Variants in PPFIBP1 observed in about 807,000 individuals in gnomAD.
PPFIBP1 encodes the protein PPFIB scaffold protein 1, also known as liprin-beta-1.
A neutral mutation model predicts 137.8 loss-of-function variants in PPFIBP1; 112 were observed. The observed-to-expected ratio is 0.81, with a 90% CI of 0.70 to 0.95. PPFIBP1 has a LOEUF of 0.95. Ranked by LOEUF, PPFIBP1 falls within the 40% of genes least tolerant of loss-of-function variation. PPFIBP1 has a pLI of 0.00. For synonymous variants in PPFIBP1, 378 were observed against 417.3 expected (o/e 0.91, Z 1.15); for missense variants, 1,083 against 1,196.6 (o/e 0.91, Z 1.40).
intron 2 of PPFIBP1, among the ~76,000 whole-genome samples, chr12:27,592,024 G>C (rs188565838): frequency 3.3e-5 from 5 of 152,298 alleles, no homozygotes; most frequent in Admixed American, 2.0e-4. Context: ...AGTAAGAATG[G>C]GTGAGAGGAG....
chr12:27,621,816 C>T (rs1245259802), intron 2 of PPFIBP1, among the ~76,000 whole-genome samples: 1 of 152,202 alleles, frequency 6.6e-6, no homozygotes, highest in Non-Finnish European at 1.5e-5. Flanking sequence ...TTTATGTGCT[C>T]ACAAGTTCTT....
chr12:27,647,916 T>C, intron 6 of PPFIBP1, 74 bp downstream of exon 6: 3 of 1,493,532 alleles, frequency 2.0e-6, no homozygotes, highest in Non-Finnish European at 2.7e-6. Context: ...CTATGTTGTG[T>C]TTGCTCTGAT....
intron 6 of PPFIBP1, among the ~76,000 whole-genome samples, chr12:27,648,964 A>G (rs2058712078): frequency 5.9e-5 from 9 of 152,320 alleles, no homozygotes; most frequent in Admixed American, 5.2e-4. Context: ...AGCCAATAAT[A>G]ATTTAATTAT....
intron 7 of PPFIBP1, among the ~76,000 whole-genome samples, chr12:27,652,323 G>A (rs1165680786): frequency 2.0e-5 from 3 of 152,166 alleles, no homozygotes; most frequent in Admixed American, 1.3e-4. Context: ...AATTGCTAAT[G>A]GGAGATGATT....
Position 27,695,102 on chromosome 12 carries a change from G to A in PPFIBP1, c.*2220G>A, listed in dbSNP as rs373193073. On this transcript the variant is annotated 3_prime_UTR_variant, in exon 30 of 30. Transcript: ENST00000228425. ...CTTAGAACCTGGTTGAAAATACCAG[G>A]AAACTGTTACAGACGCCATTTTTTT... 1 of 147,424 alleles carries A rather than the reference G, an allele frequency of 6.8e-6. No homozygotes were observed. The highest frequency in any genetic ancestry group is 2.5e-5 in the African/African-American group (1 of 39,824). 9.1% of individuals were successfully genotyped at this position (147,424 alleles called of 1,614,324 possible).
At chr12:27,603,639 G>A (rs1403126600) in intron 2 of PPFIBP1, among the ~76,000 whole-genome samples, 1 of 152,174 alleles carries the variant, frequency 6.6e-6, no homozygotes, top group African/African-American at 2.4e-5. Flanking sequence ...ACCCCTCCTG[G>A]ATTCTGGCCA....
chr12:27,595,316 C>G lies in PPFIBP1; in HGVS notation c.-36+17077C>G, dbSNP rs146747648. Among the ~76,000 whole-genome samples, 889 of 152,278 alleles carry G rather than the reference C, an allele frequency of 5.8e-3. 8 individuals carry two copies. The highest frequency in any genetic ancestry group is 0.02 in the African/African-American group (829 of 41,560). On this transcript the variant is annotated intron_variant, in intron 2 of 29. Coordinates refer to ENST00000228425, the MANE Select transcript of PPFIBP1 (RefSeq NM_003622.4). ...CACACATGCACGCAAGACTGTCACA[C>G]CCTGCTCTGGTGGCTGCCCACATGG...
At position 27,691,740 on chromosome 12, in the gene PPFIBP1, C is replaced by G; in HGVS notation, c.2686-9C>G. On this transcript the variant is annotated splice_polypyrimidine_tract_variant and intron_variant, in intron 27 of 29. Coordinates refer to ENST00000228425, the MANE Select transcript of PPFIBP1 (RefSeq NM_003622.4). Reference sequence around the variant, plus strand: ...CCTTTGGATGTTTTTGTTTGCTTTTCTTTTAAAGCCAAAGAAACTTGCCTT... The same window carrying G: ...CCTTTGGATGTTTTTGTTTGCTTTTGTTTTAAAGCCAAAGAAACTTGCCTT... The G allele has an allele frequency of 6.3e-7, 1 of 1,596,832 alleles. No homozygotes were observed. The highest frequency in any genetic ancestry group is 1.1e-5 in the South Asian group (1 of 88,044).
chr12:27,533,929 C>T (rs1256871092), intron 1 of PPFIBP1, among the ~76,000 whole-genome samples: 1 of 126,020 alleles, frequency 7.9e-6, no homozygotes, highest in African/African-American at 3.2e-5. Flanking sequence ...GCAACAGACT[C>T]GTTACAAAGC....
chr12:27,544,545 GA>G (rs139750459), intron 1 of PPFIBP1, among the ~76,000 whole-genome samples: 25,121 of 152,038 alleles, frequency 0.17, 2,353 homozygotes, highest in Middle Eastern at 0.26. Context: ...AAATTTACAA[GA>G]AAAAAACAAA....
chr12:27,667,656 CT>C (rs1425226042), intron 13 of PPFIBP1, among the ~76,000 whole-genome samples: 2 of 152,242 alleles, frequency 1.3e-5, no homozygotes, highest in Non-Finnish European at 2.9e-5. Context: ...GACAGCATTT[CT>C]TTTGCTGATG....
At chr12:27,630,268 T>G (rs1463703285) in intron 2 of PPFIBP1, among the ~76,000 whole-genome samples, 1 of 151,990 alleles carries the variant, frequency 6.6e-6, no homozygotes, top group Admixed American at 6.6e-5. Context: ...TAAATTTGTC[T>G]AATTCTCCCT....
At chr12:27,635,139 C>G in intron 4 of PPFIBP1, 24 bp downstream of exon 4, 1 of 1,611,584 alleles carries the variant, frequency 6.2e-7, no homozygotes, top group Non-Finnish European at 8.5e-7. Flanking sequence ...GTTCCAAATT[C>G]TGTTATAAAT....
Position 27,655,082 on chromosome 12 carries a change from G to T in PPFIBP1, c.696+268G>T, listed in dbSNP as rs1469478526. 4.7e-6 allele frequency: 6 copies of T among 1,281,804 alleles called. No homozygotes were observed. The Admixed American group carries it at 1.2e-4, about 26-fold the overall frequency. The allele number at this position is 1,281,804 out of a possible 1,614,324, so 79.4% of individuals were successfully genotyped here. ...CTTTATAAACTGATACTGTTTTCTCGGTTATTTAGCTTGTCTTTTTCTATC... is the reference window on the plus strand; with the variant it reads ...CTTTATAAACTGATACTGTTTTCTCTGTTATTTAGCTTGTCTTTTTCTATC... On this transcript the variant is annotated intron_variant, in intron 8 of 29. Coordinates refer to ENST00000228425, the MANE Select transcript of PPFIBP1 (RefSeq NM_003622.4).
chr12:27,612,962 TCATCATCA>T (rs1435621468), intron 2 of PPFIBP1, among the ~76,000 whole-genome samples: 6 of 151,936 alleles, frequency 3.9e-5, no homozygotes, highest in Non-Finnish European at 7.4e-5. Context: ...ATCATCATCA[TCATCATCA>T]TCATCATCCA....
intron 2 of PPFIBP1, among the ~76,000 whole-genome samples, chr12:27,610,936 T>C (rs548869116): frequency 1.1e-3 from 160 of 150,342 alleles, no homozygotes; most frequent in East Asian, 3.1e-3. Flanking sequence ...AGGGGTGAGG[T>C]GGGGAAAATA....
At chr12:27,665,663 T>C (rs1163385552) in intron 12 of PPFIBP1, among the ~76,000 whole-genome samples, 1 of 152,246 alleles carries the variant, frequency 6.6e-6, no homozygotes, top group Non-Finnish European at 1.5e-5. Flanking sequence ...AATGCATAAA[T>C]AGAGTTATTT....
chr12:27,636,437 C>T (rs558341390), intron 4 of PPFIBP1: 15 of 152,126 alleles, frequency 9.9e-5, no homozygotes, highest in African/African-American at 3.4e-4. Context: ...TCCTATCTCA[C>T]CCCTTCTTTA....
chr12:27,646,396 G>GTCTGA (rs2058492244), intron 5 of PPFIBP1: 1 of 473,322 alleles, frequency 2.1e-6, no homozygotes, highest in South Asian at 1.8e-5. Context: ...GCACAATGTT[G>GTCTGA]TCTGATCTGT....
Sources: gnomAD v4.1 joint callset for allele counts (sites outside exome capture counted in the v4.1 genomes callset) on GRCh38, gnomAD v4.1.1 for gene constraint, MANE v1.5 for transcripts, NCBI Gene and HGNC (gene_info 2026-07-23, HGNC 2026-07-21) for gene names.